The following FOCAD variants were observed in gnomAD, a reference collection of about 807,000 sequenced individuals.
The protein encoded by FOCAD is focadhesin, also known as KIAA1797.
A neutral mutation model predicts 225.6 loss-of-function variants in FOCAD; 198 were observed. The observed-to-expected ratio is 0.88, with a 90% CI of 0.78 to 0.99. The LOEUF (loss-of-function observed/expected upper bound fraction) is 0.99. Ranked by LOEUF, FOCAD falls within the 50% of genes least tolerant of loss-of-function variation. The probability of loss-of-function intolerance (pLI) is 0.00; values close to 1 mark genes in which losing one functional copy is unlikely to be tolerated. For missense variants in FOCAD, 2,713 were observed against 2,123.6 expected, an observed-to-expected ratio of 1.28 and a Z score of -5.46; for synonymous variants, 897 against 755.0, an observed-to-expected ratio of 1.19 and a Z score of -3.08.
intron 15 of FOCAD, among the ~76,000 whole-genome samples, chr9:20,857,319 T>C (rs1828285798): frequency 6.6e-6 from 1 of 152,040 alleles, no homozygotes; most frequent in Non-Finnish European, 1.5e-5. Context: ...ATTTCTTTGG[T>C]TAAGTTTATT....
chr9:20,726,431 T>A (rs992962490), intron 4 of FOCAD: 2 of 152,170 alleles, frequency 1.3e-5, no homozygotes, highest in African/African-American at 4.8e-5. Flanking sequence ...TTAATGTGCT[T>A]GGTAAGAAGG....
intron 15 of FOCAD, among the ~76,000 whole-genome samples, chr9:20,846,471 T>C (rs1306628827): frequency 3.3e-5 from 5 of 152,070 alleles, no homozygotes; most frequent in African/African-American, 1.2e-4. Context: ...CACTACGTAA[T>C]TGTGAGGATT....
At chr9:20,840,563 G>T (rs1826419634) in intron 15 of FOCAD, among the ~76,000 whole-genome samples, 1 of 141,386 alleles carries the variant, frequency 7.1e-6, no homozygotes, top group Non-Finnish European at 1.6e-5. Flanking sequence ...ATTATTTACT[G>T]TTTGCCTGTA....
chr9:20,905,794 T>G (rs1184049873), intron 21 of FOCAD, among the ~76,000 whole-genome samples: 11 of 152,098 alleles, frequency 7.2e-5, no homozygotes, highest in African/African-American at 2.6e-4. Context: ...GAGGACTCAT[T>G]CCTTCAAGGA....
At chr9:20,923,851 G>T in intron 25 of FOCAD, 83 bp downstream of exon 25, 1 of 1,023,990 alleles carries the variant, frequency 9.8e-7, no homozygotes. Context: ...GGGCTTACAA[G>T]GTTAGATTCT....
intron 8 of FOCAD, 95 bp downstream of exon 8, chr9:20,770,333 C>T: frequency 1.7e-6 from 2 of 1,148,182 alleles, no homozygotes; most frequent in East Asian, 2.6e-5. Flanking sequence ...AATTGGCTTA[C>T]AGTCTGGCAG....
At chr9:20,891,114 T>TA (rs1267799974) in intron 21 of FOCAD, among the ~76,000 whole-genome samples, 7 of 152,210 alleles carry the variant, frequency 4.6e-5, no homozygotes, top group Non-Finnish European at 7.3e-5. Flanking sequence ...TCTTTGAAGT[T>TA]ACGATTGTAA....
chr9:20,860,791 G>A (rs1357637553), intron 15 of FOCAD, among the ~76,000 whole-genome samples: 2 of 152,170 alleles, frequency 1.3e-5, no homozygotes, highest in Admixed American at 1.3e-4. Flanking sequence ...GATTACAGGC[G>A]TGAGCCACCA....
At chr9:20,902,840 G>C (rs1306980763) in intron 21 of FOCAD, among the ~76,000 whole-genome samples, 1 of 151,888 alleles carries the variant, frequency 6.6e-6, no homozygotes, top group South Asian at 2.1e-4. Flanking sequence ...GATGGGAACA[G>C]GAAAGATAAC....
At position 20,754,820 on chromosome 9, in the gene FOCAD, A is replaced by G. The variant is rs185507127; in HGVS notation, c.393-3270A>G. Among the ~76,000 whole-genome samples the G allele has an allele frequency of 3.3e-5, 5 of 152,324 alleles. No homozygotes were observed. In the East Asian group the frequency reaches 5.8e-4, roughly 18 times the overall value. On this transcript the variant is annotated intron_variant, in intron 5 of 43. Transcript: ENST00000338382. ...AAAGAGTTATGTGGCCCAAAATGTCAGTAGTGGTAAGACTGAGAAACTCTC... is the reference window on the plus strand; with the variant it reads ...AAAGAGTTATGTGGCCCAAAATGTCGGTAGTGGTAAGACTGAGAAACTCTC...
chr9:20,824,654 T>C (rs1369093597), intron 15 of FOCAD, among the ~76,000 whole-genome samples: 1 of 152,104 alleles, frequency 6.6e-6, no homozygotes, highest in Non-Finnish European at 1.5e-5. Flanking sequence ...TCAGTTGTTC[T>C]ATGTGTCCTT....
Position 20,995,624 on chromosome 9 carries a change from T to G in FOCAD, c.5401T>G (p.Trp1801Gly), listed in dbSNP as rs1416660404. 4 of 1,612,258 alleles carry G rather than the reference T, an allele frequency of 2.5e-6. No individual in the cohort carries two copies. The change falls in exon 44 of 44, where the codon TGG (tryptophan) becomes GGG (glycine). Residue 1801 changes from tryptophan to glycine, a missense_variant. Physicochemically the swap from Trp to Gly is radical, Grantham distance 184 (BLOSUM62 -2). Coordinates refer to ENST00000338382, the MANE Select transcript of FOCAD (RefSeq NM_001375567.1). ...AGCTGTATGGACCAGAGCATATGGT[T>G]GGTGAACAGTTTTGCAGTAACCAGC... ...KKAVWTRAYG[W>G]
At chr9:20,669,059 T>G (rs1055171833) in intron 2 of FOCAD, among the ~76,000 whole-genome samples, 8 of 152,114 alleles carry the variant, frequency 5.3e-5, no homozygotes, top group African/African-American at 1.9e-4. Flanking sequence ...GAAAGAATAT[T>G]TATTTCCCTG....
intron 15 of FOCAD, among the ~76,000 whole-genome samples, chr9:20,834,947 T>C (rs1296908299): frequency 6.6e-6 from 1 of 152,134 alleles, no homozygotes; most frequent in Non-Finnish European, 1.5e-5. Context: ...AATTTTTGGA[T>C]GTATTGTGTC....
At chr9:20,813,998 G>A (rs930927573) in intron 11 of FOCAD, among the ~76,000 whole-genome samples, 3 of 152,012 alleles carry the variant, frequency 2.0e-5, no homozygotes, top group African/African-American at 7.2e-5. Flanking sequence ...CTCTTGTGAC[G>A]ATTTTTTATA....
At chr9:20,708,859 G>A (rs1486988427) in intron 1 of FOCAD, among the ~76,000 whole-genome samples, 2 of 151,872 alleles carry the variant, frequency 1.3e-5, no homozygotes, top group African/African-American at 4.8e-5. Flanking sequence ...ATAGAAATTT[G>A]GTAGTCAAGA....
intron 1 of FOCAD, among the ~76,000 whole-genome samples, chr9:20,713,561 A>G (rs1825049977): frequency 6.6e-6 from 1 of 152,084 alleles, no homozygotes; most frequent in South Asian, 2.1e-4. Flanking sequence ...TATTTTATGT[A>G]TTATTTGTTT....
intron 35 of FOCAD, among the ~76,000 whole-genome samples, chr9:20,972,334 T>C (rs564261816): frequency 2.0e-5 from 3 of 152,178 alleles, no homozygotes; most frequent in Non-Finnish European, 4.4e-5. Flanking sequence ...AAATAGGTTC[T>C]AATAGGTATA....
Position 20,740,244 on chromosome 9 carries a change from A to G in FOCAD, c.296A>G (p.His99Arg). ...GCTATATTTCTTTGCAGAAATACAC[A>G]TGGCTTGATAAAAGCCATTATGCAC... ...LNLIPSTRNTHGLIKAIMHLL... is the reference protein window; with the variant it reads ...LNLIPSTRNTRGLIKAIMHLL... The change falls in exon 5 of 44, where the codon CAT becomes CGT. Residue 99 changes from histidine (H) to arginine (R), a missense_variant. His to Arg is a conservative substitution (Grantham distance 29). Transcript: ENST00000338382. The G allele has an allele frequency of 6.2e-7, 1 of 1,600,136 alleles. No homozygotes were observed. Among genetic ancestry groups the G allele is most frequent in the Non-Finnish European group, 8.5e-7 (1 of 1,171,524 alleles).
Sources: allele counts gnomAD v4.1 joint callset (sites outside exome capture counted in the v4.1 genomes callset), GRCh38; gene constraint gnomAD v4.1.1; transcripts MANE v1.5; gene names NCBI Gene and HGNC (gene_info 2026-07-23, HGNC 2026-07-21).